Variants in FOXK1 observed in about 807,000 individuals in gnomAD.
The protein encoded by FOXK1 is forkhead box protein K1.
In FOXK1, 19 loss-of-function variants were observed where a neutral mutation model predicts 51.9. The observed-to-expected ratio is 0.37, with a 90% CI of 0.26 to 0.54. The LOEUF is 0.54. Ranked by LOEUF, FOXK1 falls within the 20% of genes least tolerant of loss-of-function variation. FOXK1 has a pLI of 0.87. For synonymous variants in FOXK1, 537 were observed against 482.6 expected (o/e 1.11, Z -1.48); for missense variants, 870 against 1,032.7 (o/e 0.84, Z 2.16).
rs565643514 is a variant in FOXK1 at position 4,707,254 on chromosome 7, TG to T, written c.560+24388del. On this transcript the variant is annotated intron_variant, in intron 1 of 8. Transcript: ENST00000328914. This position sits in a 1 kb window ranked among gnomAD's most constrained non-coding sequence, Gnocchi z 4.1. ...GCTCAGGGCGTTCGGGGTGGTGTTC[TG>T]GTGGAGGGGACGCTGGTAAAGAGCA... Among the ~76,000 whole-genome samples the T allele has an allele frequency of 1.3e-4, 20 of 152,260 alleles. No individual in the cohort carries two copies. The South Asian group carries it at 3.3e-3, about 25-fold the overall frequency.
At chr7:4,718,859 G>T (rs1193520166) in intron 1 of FOXK1, among the ~76,000 whole-genome samples, 1 of 152,278 alleles carries the variant, frequency 6.6e-6, no homozygotes, top group East Asian at 1.9e-4. Context: ...ACCCAGGCTG[G>T]AGTGCAGTGG....
intron 1 of FOXK1, among the ~76,000 whole-genome samples, chr7:4,704,863 G>C (rs1334848882): frequency 8.3e-6 from 1 of 120,146 alleles, no homozygotes; most frequent in African/African-American, 5.3e-5. Context: ...AAAAAGTCTG[G>C]CTCTGTCACC....
In FOXK1 at chr7:4,762,406, C is replaced by T. The variant is rs931759576; in HGVS notation, c.2144C>T (p.Thr715Ile). The change falls in exon 9 of 9, where the codon ACC (threonine) becomes ATC (isoleucine). Residue 715 changes from threonine (T) to isoleucine (I), a missense_variant. Physicochemically the swap from Thr to Ile is moderately conservative, Grantham distance 89. Transcript: ENST00000328914. This position sits in a 1 kb window ranked among gnomAD's most constrained non-coding sequence, Gnocchi z 5.7. Reference sequence around the variant, plus strand: ...GTGGAGGAGCCCAGTGGTGCTGTAACCACACCGGCTGGAGTGATCGCAGCT... The same window carrying T: ...GTGGAGGAGCCCAGTGGTGCTGTAATCACACCGGCTGGAGTGATCGCAGCT... ...SRVEEPSGAV[T>I]TPAGVIAAAG... 7 of 1,550,158 alleles carry T rather than the reference C, an allele frequency of 4.5e-6. No homozygotes were observed. The African/African-American group carries it at 6.8e-5, about 15-fold the overall frequency.
chr7:4,693,942 A>T (rs1321875579), intron 1 of FOXK1, among the ~76,000 whole-genome samples: 1 of 152,118 alleles, frequency 6.6e-6, no homozygotes, highest in Non-Finnish European at 1.5e-5. Context: ...GTACAGTGGC[A>T]TGATCACAGC....
At chr7:4,726,823 T>G (rs1780387074) in intron 1 of FOXK1, among the ~76,000 whole-genome samples, 1 of 152,244 alleles carries the variant, frequency 6.6e-6, no homozygotes, top group Non-Finnish European at 1.5e-5. Context: ...ACTCTGTGTA[T>G]TCATACATCA....
rs1402268153 is a variant in FOXK1, at chr7:4,682,564, G to T, written c.256G>T (p.Ala86Ser). 1 of 1,181,140 alleles carries T rather than the reference G, an allele frequency of 8.5e-7. No homozygotes were observed. The highest frequency in any genetic ancestry group is 1.0e-6 in the Non-Finnish European group (1 of 958,292). 73.2% of individuals were successfully genotyped at this position (1,181,140 alleles called of 1,614,324 possible). ...GVSGDSAVAG[A>S]APALVAAAAA... is the part of the protein sequence containing the mutation. ...ATCCGGGGACTCCGCGGTCGCGGGC[G>T]CGGCGCCGGCCCTGGTGGCCGCGGC... Residue 86 changes from alanine (A) to serine (S), a missense_variant, in exon 1 of 9, where the codon GCG becomes TCG. Physicochemically the swap from Ala to Ser is moderately conservative, Grantham distance 99. Around this residue, in one of 3 missense-constraint regions of FOXK1, gnomAD observed 399 missense variants for 475.6 expected, o/e 0.84. Coordinates refer to ENST00000328914, the MANE Select transcript of FOXK1 (RefSeq NM_001037165.2). The surrounding 1 kb of genome is among the most constrained non-coding windows in gnomAD (Gnocchi z 7.6).
Position 4,747,427 on chromosome 7 carries a change from TG to T in FOXK1, c.746+6406del, listed in dbSNP as rs1157446412. 6.6e-6 allele frequency among the ~76,000 whole-genome samples: 1 copy of T among 152,264 alleles called. No homozygotes were observed. The highest frequency in any genetic ancestry group is 1.9e-4 in the East Asian group (1 of 5,204). On this transcript the variant is annotated intron_variant, in intron 2 of 8. Transcript: ENST00000328914. The surrounding 1 kb of genome is among the most constrained non-coding windows in gnomAD (Gnocchi z 9.2). ...GCAGCTCCTGTTGAAGCCACCATGCTGGTTATTCTCACCAGGGCAAAGTGCA... is the reference window on the plus strand; with the variant it reads ...GCAGCTCCTGTTGAAGCCACCATGCTGTTATTCTCACCAGGGCAAAGTGCA...
At position 4,705,985 on chromosome 7, in the gene FOXK1, TATATATAC is replaced by T. The variant is rs1562373042; in HGVS notation, c.560+23118_560+23125del. Among the ~76,000 whole-genome samples the T allele has an allele frequency of 6.3e-5, 6 of 95,892 alleles. 1 individual carries two copies. The highest frequency in any genetic ancestry group is 9.6e-5 in the Non-Finnish European group (5 of 52,058). The allele number at this position is 95,892 out of a possible 152,430, so 62.9% of individuals were successfully genotyped here. A position where few individuals can be genotyped will look rare whatever the true frequency, so the allele number is the denominator to read the frequency against. On this transcript the variant is annotated intron_variant, in intron 1 of 8. Transcript: ENST00000328914. ...GTATATATATATACGTATATATACGTATATATACGTATATATACGTATATATACGTATA... is the reference window on the plus strand; with the variant it reads ...GTATATATATATACGTATATATACGTGTATATATACGTATATATACGTATA...
chr7:4,706,130 GA>G (rs1237384311), intron 1 of FOXK1, among the ~76,000 whole-genome samples: 1 of 151,384 alleles, frequency 6.6e-6, no homozygotes, highest in Non-Finnish European at 1.5e-5. Context: ...GCGAGCAGGA[GA>G]AAAGCCACAT....
Position 4,758,126 on chromosome 7 carries a change from C to A in FOXK1, c.1245-925C>A, listed in dbSNP as rs1040277203. On this transcript the variant is annotated intron_variant, in intron 5 of 8. Coordinates refer to ENST00000328914, the MANE Select transcript of FOXK1 (RefSeq NM_001037165.2). The surrounding 1 kb of genome is among the most constrained non-coding windows in gnomAD (Gnocchi z 4.4). ...CTTTCTGTTGCAGTGTGTGAGAGGACCCGGGGAGAGCCCAATCTTCGAAGG... is the reference window on the plus strand; with the variant it reads ...CTTTCTGTTGCAGTGTGTGAGAGGAACCGGGGAGAGCCCAATCTTCGAAGG... 6.6e-6 allele frequency: 1 copy of A among 152,254 alleles called. No homozygotes were observed. Among genetic ancestry groups the A allele is most frequent in the East Asian group, 1.9e-4 (1 of 5,206 alleles). The allele number at this position is 152,254 out of a possible 1,614,324, so 9.4% of individuals were successfully genotyped here.
In FOXK1 at chr7:4,740,819, GCTC is replaced by G. The variant is rs199651186; in HGVS notation, c.561-10_561-8del. 2.5e-3 allele frequency: 3,969 copies of G among 1,587,438 alleles called. 87 individuals carry two copies. In the African/African-American group the frequency reaches 0.049, roughly 20 times the overall value. On this transcript the variant is annotated splice_polypyrimidine_tract_variant and intron_variant, in intron 1 of 8. Transcript: ENST00000328914. ...GAGTCTCCTCCTGCACCTCACACCC[GCTC>G]CTCCTCCTGTTGCAGGTGTACCTTC...
At chr7:4,727,889 TGGACACCCGTCCTTCG>T (rs919002588) in intron 1 of FOXK1, among the ~76,000 whole-genome samples, 1 of 152,200 alleles carries the variant, frequency 6.6e-6, no homozygotes, top group African/African-American at 2.4e-5. Context: ...CATTGGTGCT[TGGACACCCGTCCTTCG>T]GGAGGGGAGG....
In FOXK1 at chr7:4,729,228, G is replaced by T. The variant is rs537411443; in HGVS notation, c.561-11610G>T. On this transcript the variant is annotated intron_variant, in intron 1 of 8. Transcript: ENST00000328914. This position sits in a 1 kb window ranked among gnomAD's most constrained non-coding sequence, Gnocchi z 6.2. ...CTCTCCGATCCTCAGGATCCTCTTC[G>T]GGAGCAGCAGGCAGTGGCTTTCTCC... 1.3e-5 allele frequency among the ~76,000 whole-genome samples: 2 copies of T among 152,144 alleles called. No individual in the cohort carries two copies. Among genetic ancestry groups the T allele is most frequent in the Non-Finnish European group, 2.9e-5 (2 of 68,038 alleles).
At position 4,740,904 on chromosome 7, in the gene FOXK1, G is replaced by T; in HGVS notation, c.627G>T (p.Glu209Asp). Reference protein sequence around the residue: ...IQFTSLYHKEEAPASPLRPLY... With the variant: ...IQFTSLYHKEDAPASPLRPLY... ...TCACGTCGCTCTATCACAAAGAAGA[G>T]GCCCCAGCCTCCCCGCTGCGGCCAC... The change falls in exon 2 of 9, where the codon GAG (glutamate) becomes GAT (aspartate). Residue 209 changes from glutamate (E) to aspartate (D), a missense_variant. Around this residue, in one of 3 missense-constraint regions of FOXK1, gnomAD observed 399 missense variants for 475.6 expected, o/e 0.84. Transcript: ENST00000328914. 1 of 1,589,702 alleles carries T rather than the reference G, an allele frequency of 6.3e-7. No individual in the cohort carries two copies. Among genetic ancestry groups the T allele is most frequent in the South Asian group, 1.1e-5 (1 of 87,398 alleles).
intron 2 of FOXK1, 26 bp from the exon 3 acceptor site, chr7:4,754,433 C>T (rs773584529): frequency 1.9e-6 from 3 of 1,608,394 alleles, no homozygotes; most frequent in Non-Finnish European, 2.5e-6. Context: ...GAGCCATGAA[C>T]TTACAGTGTC....
chr7:4,740,169 G>A (rs10229288), intron 1 of FOXK1, among the ~76,000 whole-genome samples: 4 of 152,184 alleles, frequency 2.6e-5, no homozygotes, highest in South Asian at 4.1e-4. Flanking sequence ...GGTGGCTCAC[G>A]CCTGTAATCC....
At position 4,766,603 on chromosome 7, in the gene FOXK1, T is replaced by C. The variant is rs1051581648; in HGVS notation, c.*4139T>C. On this transcript the variant is annotated 3_prime_UTR_variant, in exon 9 of 9. Transcript: ENST00000328914. The surrounding 1 kb of genome is among the most constrained non-coding windows in gnomAD (Gnocchi z 5.5). ...TGCTCCTAGGTACCACGCTCTGTGC[T>C]TCTCAGGCAGGGAGGAGATGGATTC... The C allele has an allele frequency of 2.6e-5, 4 of 152,298 alleles. No individual in the cohort carries two copies. In the South Asian group the frequency reaches 8.3e-4, roughly 32 times the overall value. 9.4% of individuals were successfully genotyped at this position (152,298 alleles called of 1,614,324 possible). A position where few individuals can be genotyped will look rare whatever the true frequency, so the allele number is the denominator to read the frequency against.
intron 1 of FOXK1, among the ~76,000 whole-genome samples, chr7:4,724,612 C>T (rs57319005): frequency 0.084 from 12,857 of 152,254 alleles, 785 homozygotes; most frequent in East Asian, 0.32. Flanking sequence ...TGTGTGTGTG[C>T]GCTGCGTGGC....
At chr7:4,684,669 C>A (rs1371363528) in intron 1 of FOXK1, among the ~76,000 whole-genome samples, 1 of 152,164 alleles carries the variant, frequency 6.6e-6, no homozygotes, top group Non-Finnish European at 1.5e-5. Flanking sequence ...CTCCCCAGGC[C>A]CCCCTTAGAG....
Sources: allele counts gnomAD v4.1 joint callset (sites outside exome capture counted in the v4.1 genomes callset), GRCh38; gene constraint gnomAD v4.1.1; regional missense constraint gnomAD v4.1.1; non-coding constraint Gnocchi (gnomAD v3.1); transcripts MANE v1.5; gene names NCBI Gene and HGNC (gene_info 2026-07-23, HGNC 2026-07-21).